Variants in ARHGAP44 observed in about 807,000 individuals in gnomAD.
ARHGAP44 encodes rho GTPase-activating protein 44.
Under a neutral mutation model 106.8 loss-of-function variants are expected in ARHGAP44, and 43 were observed. The ratio of observed to expected loss-of-function variants is 0.40; its 90% CI spans 0.32 to 0.52. The LOEUF (loss-of-function observed/expected upper bound fraction) is 0.52. Ranked by LOEUF, ARHGAP44 falls within the 20% of genes least tolerant of loss-of-function variation. The pLI is 0.48. For synonymous variants in ARHGAP44, 439 were observed against 410.3 expected, an observed-to-expected ratio of 1.07 and a Z score of -0.85; for missense variants, 866 against 1,050.5, an observed-to-expected ratio of 0.82 and a Z score of 2.43.
intron 16 of ARHGAP44, among the ~76,000 whole-genome samples, chr17:12,960,111 A>T (rs1013876861): frequency 2.0e-5 from 3 of 152,036 alleles, no homozygotes; most frequent in African/African-American, 7.2e-5. Context: ...CTTCTTTGTT[A>T]CTTCACCTAT....
chr17:12,799,924 C>T (rs755544180), intron 1 of ARHGAP44, among the ~76,000 whole-genome samples: 17 of 152,104 alleles, frequency 1.1e-4, no homozygotes, highest in African/African-American at 2.4e-4. Context: ...CCACCATGCC[C>T]GGCCAGAGAA....
At chr17:12,916,922 A>G (rs2037933561) in intron 5 of ARHGAP44, among the ~76,000 whole-genome samples, 2 of 152,224 alleles carry the variant, frequency 1.3e-5, no homozygotes. Context: ...ACAATCCGAA[A>G]TCTGAAATAT....
chr17:12,935,569 C>CAAAAAA (rs11364751), intron 7 of ARHGAP44, among the ~76,000 whole-genome samples: 1 of 125,864 alleles, frequency 7.9e-6, no homozygotes. Context: ...GACTCCATCT[C>CAAAAAA]AAAAAAAAAA....
intron 1 of ARHGAP44, among the ~76,000 whole-genome samples, chr17:12,893,617 C>T (rs557690929): frequency 1.1e-4 from 17 of 152,258 alleles, no homozygotes; most frequent in Non-Finnish European, 1.2e-4. Context: ...ATGAGGGGTA[C>T]GGGCTTGGGT....
chr17:12,847,911 A>G (rs1052737652), intron 1 of ARHGAP44, among the ~76,000 whole-genome samples: 4 of 152,090 alleles, frequency 2.6e-5, no homozygotes, highest in African/African-American at 9.7e-5. Flanking sequence ...TAGAATTGCT[A>G]TTGCTTGTGT....
At chr17:12,964,418 TC>T (rs1165057107) in intron 16 of ARHGAP44, among the ~76,000 whole-genome samples, 2 of 152,032 alleles carry the variant, frequency 1.3e-5, no homozygotes, top group Admixed American at 6.5e-5. Flanking sequence ...ACTGGCTACA[TC>T]CCCGACTGAG....
chr17:12,954,434 C>T (rs1478324851), intron 13 of ARHGAP44, among the ~76,000 whole-genome samples: 1 of 152,184 alleles, frequency 6.6e-6, no homozygotes. Context: ...GCTGGCCAGC[C>T]CATGGGTTGG....
chr17:12,871,446 GGGAAGGCCTCA>G (rs1306412613), intron 1 of ARHGAP44, among the ~76,000 whole-genome samples: 1 of 152,148 alleles, frequency 6.6e-6, no homozygotes, highest in Non-Finnish European at 1.5e-5. Context: ...AAGTGTGGCT[GGGAAGGCCTCA>G]GGAAACTTAC....
chr17:12,877,468 T>C (rs1169350677), intron 1 of ARHGAP44, among the ~76,000 whole-genome samples: 1 of 152,224 alleles, frequency 6.6e-6, no homozygotes, highest in African/African-American at 2.4e-5. Flanking sequence ...TGCTTAGTTA[T>C]TTAAAGAAAA....
intron 19 of ARHGAP44, 22 bp from the exon 20 acceptor site, chr17:12,984,509 T>C: frequency 6.6e-7 from 1 of 1,506,176 alleles, no homozygotes; most frequent in Non-Finnish European, 8.8e-7. Context: ...GTTTTGTTGT[T>C]GTGTTGTGTT....
chr17:12,977,474 G>A (rs1043873525), intron 18 of ARHGAP44, among the ~76,000 whole-genome samples: 3 of 151,972 alleles, frequency 2.0e-5, no homozygotes, highest in African/African-American at 7.3e-5. Flanking sequence ...CCCTGGCTCT[G>A]TCCAGCCAGG....
chr17:12,951,629 A>C (rs139890658), intron 12 of ARHGAP44, among the ~76,000 whole-genome samples: 1 of 152,198 alleles, frequency 6.6e-6, no homozygotes, highest in Admixed American at 6.5e-5. Flanking sequence ...TAAGAAATAG[A>C]AATGATCCAG....
Position 12,980,253 on chromosome 17 carries a change from C to A in ARHGAP44, c.1939+20C>A. On this transcript the variant is annotated intron_variant, in intron 19 of 20. Transcript: ENST00000379672. ...GGAAAGGTATGGCCCTGCTTCCCTTCTCCTTGGTCTCAGGCCGGAGGTGGC... is the reference window on the plus strand; with the variant it reads ...GGAAAGGTATGGCCCTGCTTCCCTTATCCTTGGTCTCAGGCCGGAGGTGGC... 1 of 1,591,314 alleles carries A rather than the reference C, an allele frequency of 6.3e-7. No individual in the cohort carries two copies. The highest frequency in any genetic ancestry group is 8.6e-7 in the Non-Finnish European group (1 of 1,167,558).
chr17:12,863,494 A>G (rs900595053), intron 1 of ARHGAP44, among the ~76,000 whole-genome samples: 3 of 152,198 alleles, frequency 2.0e-5, no homozygotes, highest in Non-Finnish European at 2.9e-5. Flanking sequence ...GTGTATTTTT[A>G]TAAAATAAAA....
At chr17:12,898,642 A>G (rs1396292847) in intron 3 of ARHGAP44, among the ~76,000 whole-genome samples, 1 of 152,210 alleles carries the variant, frequency 6.6e-6, no homozygotes, top group Non-Finnish European at 1.5e-5. Flanking sequence ...TCACATCTTC[A>G]CATAACCATA....
intron 16 of ARHGAP44, among the ~76,000 whole-genome samples, chr17:12,972,658 AATAAATATT>A (rs895434393): frequency 1.0e-5 from 1 of 97,084 alleles, no homozygotes; most frequent in African/African-American, 5.1e-5. Context: ...CAAATAAATA[AATAAATATT>A]TTTTTTTTTT....
At chr17:12,845,523 C>CA (rs370128532) in intron 1 of ARHGAP44, among the ~76,000 whole-genome samples, 5 of 140,990 alleles carry the variant, frequency 3.5e-5, no homozygotes, top group African/African-American at 5.5e-5. Flanking sequence ...AAAAAAAAAA[C>CA]AAAAAAACAA....
chr17:12,833,346 C>T (rs2035142914), intron 1 of ARHGAP44, among the ~76,000 whole-genome samples: 1 of 152,108 alleles, frequency 6.6e-6, no homozygotes, highest in African/African-American at 2.4e-5. Flanking sequence ...ACATAATAAC[C>T]CCCATTTTAT....
intron 1 of ARHGAP44, among the ~76,000 whole-genome samples, chr17:12,802,753 CTTTTTTTT>C (rs869172678): frequency 3.4e-4 from 37 of 108,708 alleles, no homozygotes; most frequent in African/African-American, 1.2e-3. Flanking sequence ...TTTTTTATTT[CTTTTTTTT>C]TTTTTTTTTT....
Sources: gnomAD v4.1 joint callset for allele counts (sites outside exome capture counted in the v4.1 genomes callset) on GRCh38, gnomAD v4.1.1 for gene constraint, MANE v1.5 for transcripts, NCBI Gene and HGNC (gene_info 2026-07-23, HGNC 2026-07-21) for gene names.